PHIP: variants seen among roughly 807,000 people sequenced by gnomAD.
The protein encoded by PHIP is PHIP subunit of CUL4-Ring ligase complex, also known as PH-interacting protein.
In PHIP, 54 loss-of-function variants were observed where a neutral mutation model predicts 236.8. The ratio of observed to expected loss-of-function variants is 0.23; its 90% CI spans 0.18 to 0.29. The LOEUF is 0.29. PHIP is among the 10% of genes least tolerant of loss of function. PHIP has a pLI of 1.00. For missense variants in PHIP, 1,370 were observed against 2,190.8 expected (o/e 0.63, Z 7.48); for synonymous variants, 756 against 718.9 (o/e 1.05, Z -0.83).
In PHIP at chr6:79,072,650, A is replaced by AT. The variant is rs922676264; in HGVS notation, c.189+4797dup. Among the ~76,000 whole-genome samples, 161 of 147,228 alleles carry AT rather than the reference A, an allele frequency of 1.1e-3. 1 individual carries two copies. Among genetic ancestry groups the AT allele is most frequent in the Non-Finnish European group, 1.9e-3 (124 of 66,298 alleles). ...AGGCATGCGCCACTACACCTGGCTAATTTTTTTTTTTAGTTTTTGTAGAGA... is the reference window on the plus strand; with the variant it reads ...AGGCATGCGCCACTACACCTGGCTAATTTTTTTTTTTTAGTTTTTGTAGAGA... On this transcript the variant is annotated intron_variant, in intron 4 of 39. Transcript: ENST00000275034.
intron 37 of PHIP, 99 bp from the exon 38 acceptor site, chr6:78,946,359 AAT>A: frequency 7.2e-7 from 1 of 1,397,040 alleles, no homozygotes; most frequent in South Asian, 1.5e-5. Context: ...ACTATTATGA[AAT>A]ATGTTAAAAT....
intron 6 of PHIP, among the ~76,000 whole-genome samples, chr6:79,044,027 C>T (rs1772353566): frequency 6.6e-6 from 1 of 151,860 alleles, no homozygotes; most frequent in South Asian, 2.1e-4. Flanking sequence ...CTCAGTATTG[C>T]TTATATTATT....
chr6:78,968,027 A>G (rs548280500), intron 27 of PHIP, among the ~76,000 whole-genome samples: 1 of 152,128 alleles, frequency 6.6e-6, no homozygotes, highest in African/African-American at 2.4e-5. Flanking sequence ...AGTCCCAGCT[A>G]ATCGGGAGGC....
intron 15 of PHIP, among the ~76,000 whole-genome samples, chr6:79,010,305 A>T (rs1770512574): frequency 6.6e-6 from 1 of 151,946 alleles, no homozygotes; most frequent in Non-Finnish European, 1.5e-5. Context: ...TGCATGTACA[A>T]AAATTCTGGG....
At position 78,941,466 on chromosome 6, in the gene PHIP, G is replaced by T. The variant is rs1017720834; in HGVS notation, c.4829-136C>A. 1.1e-5 allele frequency: 6 copies of T among 567,608 alleles called. No individual in the cohort carries two copies. The African/African-American group carries it at 1.1e-4, about 11-fold the overall frequency. The allele number at this position is 567,608 out of a possible 1,614,324, so 35.2% of individuals were successfully genotyped here. A position where few individuals can be genotyped will look rare whatever the true frequency, so the allele number is the denominator to read the frequency against. ...ATTATTTTATTAAAATGAGAAAAAA[G>T]AACCTAGAAAACACTAATAGTTCAA... is the stretch of plus-strand genomic sequence containing the variant. On this transcript the variant is annotated intron_variant, in intron 39 of 39. Transcript: ENST00000275034.
At chr6:79,023,025 A>G (rs964690224) in intron 9 of PHIP, among the ~76,000 whole-genome samples, 1 of 152,262 alleles carries the variant, frequency 6.6e-6, no homozygotes, top group African/African-American at 2.4e-5. Flanking sequence ...GTGTAAACAC[A>G]TAAAGAAAAT....
rs796157315 is a variant in PHIP at position 78,937,545 on chromosome 6, T to C, written c.*3148A>G. The C allele has an allele frequency of 6.6e-6, 1 of 151,716 alleles. No homozygotes were observed. The highest frequency in any genetic ancestry group is 2.1e-4 in the South Asian group (1 of 4,836). 9.4% of individuals were successfully genotyped at this position (151,716 alleles called of 1,614,324 possible). ...AACTAAATTTAGTCAATCCCAAGTCTCAGATGTTACCTAATCCAGCTCACA... is the reference window on the plus strand; with the variant it reads ...AACTAAATTTAGTCAATCCCAAGTCCCAGATGTTACCTAATCCAGCTCACA... On this transcript the variant is annotated 3_prime_UTR_variant, in exon 40 of 40. Coordinates refer to ENST00000275034, the MANE Select transcript of PHIP (RefSeq NM_017934.7).
rs1582272608 is a variant in PHIP, at chr6:79,042,600, C to T, written c.600+243G>A. Among the ~76,000 whole-genome samples, 4 of 151,972 alleles carry T rather than the reference C, an allele frequency of 2.6e-5. No individual in the cohort carries two copies. The East Asian group carries it at 7.7e-4, about 29-fold the overall frequency. ...TATTTGATATATGTTGAGAACCATA[C>T]TTATTCATGATGTACAACCATATAA... On this transcript the variant is annotated intron_variant, in intron 7 of 39. Transcript: ENST00000275034.
intron 6 of PHIP, among the ~76,000 whole-genome samples, chr6:79,043,929 C>A (rs531031142): frequency 6.7e-6 from 1 of 150,030 alleles, no homozygotes; most frequent in Non-Finnish European, 1.5e-5. Context: ...AATATATATA[C>A]AAAATACTAC....
chr6:78,978,594 C>T lies in PHIP; in HGVS notation c.2887G>A (p.Glu963Lys). 6.3e-7 allele frequency: 1 copy of T among 1,586,944 alleles called. No individual in the cohort carries two copies. The highest frequency in any genetic ancestry group is 8.6e-7 in the Non-Finnish European group (1 of 1,162,000). Residue 963 changes from glutamate to lysine, a missense_variant and splice_region_variant, in exon 24 of 40, where the codon GAG becomes AAG. Glu to Lys is a moderately conservative substitution (Grantham distance 56, BLOSUM62 1). Around this residue, in one of 14 missense-constraint regions of PHIP, gnomAD observed 238 missense variants for 398.5 expected, o/e 0.60. Transcript: ENST00000275034. ...RCPFVPQMGD[E>K]VYYFRQGHEA... Reference sequence around the variant, plus strand: ...ATAATTTAAAACTTTTAAAGTACCTCATCACCCATCTGTGGCACAAATGGA... The same window carrying T: ...ATAATTTAAAACTTTTAAAGTACCTTATCACCCATCTGTGGCACAAATGGA...
intron 9 of PHIP, 38 bp downstream of exon 9, chr6:79,025,481 T>A (rs375534314): frequency 5.6e-6 from 7 of 1,239,726 alleles, no homozygotes; most frequent in Non-Finnish European, 8.3e-6. Context: ...CTCATTAAAC[T>A]AAACACATTT....
chr6:78,978,766 CA>C, intron 23 of PHIP, 55 bp from the exon 24 acceptor site: 1 of 1,357,654 alleles, frequency 7.4e-7, no homozygotes, highest in East Asian at 2.4e-5. Context: ...CATTAATCCA[CA>C]AATCTACTCT....
At chr6:79,068,108 T>C (rs535555866) in intron 4 of PHIP, 1 of 154,002 alleles carries the variant, frequency 6.5e-6, no homozygotes, top group Admixed American at 6.5e-5. Context: ...TGCTGCATTC[T>C]ACCAGACTTA....
chr6:78,983,920 T>A (rs1768703725), intron 22 of PHIP, among the ~76,000 whole-genome samples: 1 of 152,180 alleles, frequency 6.6e-6, no homozygotes, highest in Admixed American at 6.5e-5. Context: ...TATTATCTTC[T>A]ATATTAATTT....
rs1257553228 is a variant in PHIP, at chr6:79,077,525, C to G, written c.130-18G>C. On this transcript the variant is annotated intron_variant, in intron 3 of 39. Coordinates refer to ENST00000275034, the MANE Select transcript of PHIP (RefSeq NM_017934.7). The stretch of plus-strand genomic sequence containing the variant: ...GGCAGCAGCTGCGGGGAGAGGACAC[C>G]CCGTGAGCCCGGCCCCCGGCCCCTA... 5.3e-6 allele frequency: 8 copies of G among 1,504,298 alleles called. No homozygotes were observed. The highest frequency in any genetic ancestry group is 7.1e-6 in the Non-Finnish European group (8 of 1,121,192). 93.2% of individuals were successfully genotyped at this position (1,504,298 alleles called of 1,614,324 possible). A position where few individuals can be genotyped will look rare whatever the true frequency, so the allele number is the denominator to read the frequency against.
Position 78,958,597 on chromosome 6 carries a change from C to T in PHIP, c.3660G>A (p.Arg1220=). 1 of 1,558,060 alleles carries T rather than the reference C, an allele frequency of 6.4e-7. No homozygotes were observed. ...KQRLENRFYR[R]VSSLMWEVRY... ...GAACTTCCCACATTAGGGAAGAAAC[C>T]CGCCTTAAAAAAACAAAATATAGAA... The change falls in exon 32 of 40, where the codon CGG becomes CGA. Residue 1220 remains arginine, a synonymous_variant. Coordinates refer to ENST00000275034, the MANE Select transcript of PHIP (RefSeq NM_017934.7).
chr6:78,975,500 C>T (rs1767984556), intron 24 of PHIP, among the ~76,000 whole-genome samples: 2 of 152,152 alleles, frequency 1.3e-5, no homozygotes, highest in African/African-American at 4.8e-5. Context: ...TCCTATTCAA[C>T]ATAGTGATGG....
At chr6:78,981,814 A>G (rs1768555654) in intron 23 of PHIP, among the ~76,000 whole-genome samples, 1 of 152,042 alleles carries the variant, frequency 6.6e-6, no homozygotes, top group East Asian at 1.9e-4. Context: ...ATTTATCATC[A>G]CTGACAAGGT....
intron 17 of PHIP, among the ~76,000 whole-genome samples, chr6:78,998,969 G>A (rs965846250): frequency 1.3e-5 from 2 of 151,992 alleles, no homozygotes; most frequent in Non-Finnish European, 2.9e-5. Context: ...CAATAACCCA[G>A]GAGTTAATAC....
Sources: gnomAD v4.1 joint callset for allele counts (sites outside exome capture counted in the v4.1 genomes callset) on GRCh38, gnomAD v4.1.1 for gene constraint, gnomAD v4.1.1 regional missense constraint, MANE v1.5 for transcripts, NCBI Gene and HGNC (gene_info 2026-07-23, HGNC 2026-07-21) for gene names.